The following MAML2 variants were observed in gnomAD, a reference collection of about 807,000 sequenced individuals.
MAML2 encodes the protein mastermind like transcriptional coactivator 2.
MAML2 carries 22 observed loss-of-function variants against 96.1 expected under a neutral mutation model. The observed-to-expected ratio is 0.23, with a 90% confidence interval of 0.16 to 0.33. The LOEUF (loss-of-function observed/expected upper bound fraction) is 0.33, where lower values mean the gene tolerates loss of function less well. Among genes scored for constraint, MAML2 ranks in the 10% least tolerant of loss-of-function variants. The pLI is 1.00. For missense variants in MAML2, 1,367 were observed against 1,392.4 expected (o/e 0.98, Z 0.29); for synonymous variants, 561 against 521.3 (o/e 1.08, Z -1.04).
chr11:96,326,172 C>T (rs1863775944), intron 1 of MAML2, among the ~76,000 whole-genome samples: 2 of 145,794 alleles, frequency 1.4e-5, no homozygotes, highest in South Asian at 4.3e-4. Context: ...ACACAAGACC[C>T]AACATGTAGT....
intron 2 of MAML2, among the ~76,000 whole-genome samples, chr11:96,073,750 C>T (rs536266621): frequency 6.6e-6 from 1 of 152,312 alleles, no homozygotes; most frequent in East Asian, 1.9e-4. Context: ...TTAACACCAA[C>T]ACTGTAATAA....
At chr11:96,230,694 C>G (rs183042456) in intron 1 of MAML2, among the ~76,000 whole-genome samples, 331 of 152,332 alleles carry the variant, frequency 2.2e-3, no homozygotes, top group Admixed American at 7.2e-3. Flanking sequence ...AGTCTGAGAC[C>G]TATAGAGTCC....
At chr11:96,333,591 G>T (rs951753821) in intron 1 of MAML2, among the ~76,000 whole-genome samples, 1 of 152,192 alleles carries the variant, frequency 6.6e-6, no homozygotes, top group African/African-American at 2.4e-5. Context: ...GAGGTACTGA[G>T]TAAAGAGATT....
At chr11:96,252,407 G>C (rs943681568) in intron 1 of MAML2, among the ~76,000 whole-genome samples, 1 of 149,246 alleles carries the variant, frequency 6.7e-6, no homozygotes, top group Non-Finnish European at 1.5e-5. Flanking sequence ...TGTTCTCAGC[G>C]CTTTACCTTG....
chr11:96,204,932 G>A (rs534232038), intron 1 of MAML2, among the ~76,000 whole-genome samples: 154 of 152,286 alleles, frequency 1.0e-3, no homozygotes, highest in African/African-American at 3.2e-3. Flanking sequence ...ACATTGATCG[G>A]AGGGCCTCTT....
intron 1 of MAML2, among the ~76,000 whole-genome samples, chr11:96,185,628 GCTGA>G (rs1397268939): frequency 6.6e-6 from 1 of 152,204 alleles, no homozygotes; most frequent in African/African-American, 2.4e-5. Flanking sequence ...TGCAAGAAAT[GCTGA>G]CTCTCAGCCT....
chr11:96,148,228 G>T (rs1860851437), intron 1 of MAML2, among the ~76,000 whole-genome samples: 1 of 151,976 alleles, frequency 6.6e-6, no homozygotes, highest in Non-Finnish European at 1.5e-5. Context: ...ATTGGGTTTT[G>T]TCTGCCTGTC....
intron 2 of MAML2, among the ~76,000 whole-genome samples, chr11:96,058,886 A>G (rs1859110583): frequency 6.6e-6 from 1 of 152,202 alleles, no homozygotes; most frequent in Non-Finnish European, 1.5e-5. Flanking sequence ...AGGAACTTCC[A>G]GCCTGGCCAA....
At chr11:96,279,745 C>G (rs1863039997) in intron 1 of MAML2, among the ~76,000 whole-genome samples, 1 of 152,192 alleles carries the variant, frequency 6.6e-6, no homozygotes, top group African/African-American at 2.4e-5. Context: ...TGGCAGCATG[C>G]ATGACTGTGG....
chr11:96,155,509 A>AATACATACATATATAT (rs541216405), intron 1 of MAML2, among the ~76,000 whole-genome samples: 3 of 74,848 alleles, frequency 4.0e-5, no homozygotes, highest in Non-Finnish European at 7.5e-5. Context: ...TAACAATTCA[A>AATACATACATATATAT]ATATATATAT....
intron 1 of MAML2, among the ~76,000 whole-genome samples, chr11:96,231,680 T>C (rs2135955415): frequency 6.6e-6 from 1 of 152,308 alleles, no homozygotes; most frequent in African/African-American, 2.4e-5. Flanking sequence ...TGGTCACTCA[T>C]GGGAACAATG....
In MAML2 at chr11:96,211,359, A is replaced by G. The variant is rs188594988; in HGVS notation, c.514-117842T>C. ...AAACAATATTCCTCTGATCTTAATA[A>G]TTGTCGTAAGTACATTACTTCAACA... On this transcript the variant is annotated intron_variant, in intron 1 of 4. Coordinates refer to ENST00000524717, the MANE Select transcript of MAML2 (RefSeq NM_032427.4). 4.6e-5 allele frequency among the ~76,000 whole-genome samples: 7 copies of G among 152,062 alleles called. No homozygotes were observed. The East Asian group carries it at 1.4e-3, about 29-fold the overall frequency.
At chr11:96,271,321 A>C (rs576557666) in intron 1 of MAML2, among the ~76,000 whole-genome samples, 18 of 152,260 alleles carry the variant, frequency 1.2e-4, no homozygotes, top group African/African-American at 3.9e-4. Context: ...TGGTACCAGG[A>C]GTGGGAACCA....
At chr11:96,068,286 T>C (rs896236799) in intron 2 of MAML2, among the ~76,000 whole-genome samples, 11 of 152,122 alleles carry the variant, frequency 7.2e-5, no homozygotes, top group Non-Finnish European at 1.0e-4. Flanking sequence ...TTGACCTGGG[T>C]TCGTTGTCTT....
At chr11:96,282,006 T>C (rs1384048733) in intron 1 of MAML2, among the ~76,000 whole-genome samples, 1 of 152,020 alleles carries the variant, frequency 6.6e-6, no homozygotes, top group Non-Finnish European at 1.5e-5. Context: ...TCCCAGCACT[T>C]TGGGAGGCCG....
chr11:96,158,705 T>C (rs994843839), intron 1 of MAML2, among the ~76,000 whole-genome samples: 1 of 152,242 alleles, frequency 6.6e-6, no homozygotes, highest in Non-Finnish European at 1.5e-5. Context: ...TCTGGGCATT[T>C]GCTGCCTGAA....
At chr11:96,077,361 C>A (rs1590997884) in intron 2 of MAML2, among the ~76,000 whole-genome samples, 1 of 151,524 alleles carries the variant, frequency 6.6e-6, no homozygotes, top group African/African-American at 2.4e-5. Context: ...GTTGGGACTA[C>A]AGGCATACGC....
At position 96,342,439 on chromosome 11, in the gene MAML2, C is replaced by T. The variant is rs1864011264; in HGVS notation, c.-544G>A. 1 of 398,564 alleles carries T rather than the reference C, an allele frequency of 2.5e-6. No individual in the cohort carries two copies. Among genetic ancestry groups the T allele is most frequent in the Non-Finnish European group, 4.4e-6 (1 of 226,168 alleles). 24.7% of individuals were successfully genotyped at this position (398,564 alleles called of 1,614,324 possible). A position where few individuals can be genotyped will look rare whatever the true frequency, so the allele number is the denominator to read the frequency against. On this transcript the variant is annotated 5_prime_UTR_variant, in exon 1 of 5. Coordinates refer to ENST00000524717, the MANE Select transcript of MAML2 (RefSeq NM_032427.4). ...ATGTAACCAGCAGCCTTGACTTTTC[C>T]TCAGGTTAAATAAAAAACCAAAACA...
intron 1 of MAML2, among the ~76,000 whole-genome samples, chr11:96,262,449 T>G (rs1449802944): frequency 6.6e-6 from 1 of 151,140 alleles, no homozygotes; most frequent in Admixed American, 6.7e-5. Flanking sequence ...CCATTTGTTC[T>G]TATTTTTAAA....
Sources: allele counts gnomAD v4.1 joint callset (sites outside exome capture counted in the v4.1 genomes callset), GRCh38; gene constraint gnomAD v4.1.1; transcripts MANE v1.5; gene names NCBI Gene and HGNC (gene_info 2026-07-23, HGNC 2026-07-21).